NDUFS1: variants seen among roughly 807,000 people sequenced by gnomAD.
NDUFS1 encodes NADH-ubiquinone oxidoreductase 75 kDa subunit, mitochondrial.
In NDUFS1, 61 loss-of-function variants were observed where a neutral mutation model predicts 84.4. The ratio of observed to expected loss-of-function variants is 0.72; its 90% CI spans 0.59 to 0.89. The LOEUF (loss-of-function observed/expected upper bound fraction) is 0.89. Among genes scored for constraint, NDUFS1 ranks in the 40% least tolerant of loss-of-function variants. NDUFS1 has a pLI of 0.00. For missense variants in NDUFS1, 891 were observed against 890.0 expected, an observed-to-expected ratio of 1.00 and a Z score of -0.01; for synonymous variants, 275 against 290.0, an observed-to-expected ratio of 0.95 and a Z score of 0.53.
chr2:206,120,179 C>A lies in NDUFS1; in HGVS notation c.*4006G>T, dbSNP rs1691057797. ...ATGCTTTGTGTACAGCCTGCAGAAA[C>A]TGTAAGCCAATTAAATCTCTCTTTT... On this transcript the variant is annotated 3_prime_UTR_variant, in exon 19 of 19. Coordinates refer to ENST00000233190, the MANE Select transcript of NDUFS1 (RefSeq NM_005006.7). 6.6e-6 allele frequency: 1 copy of A among 152,284 alleles called. No homozygotes were observed. The highest frequency in any genetic ancestry group is 1.5e-5 in the Non-Finnish European group (1 of 68,086). 9.4% of individuals were successfully genotyped at this position (152,284 alleles called of 1,614,324 possible).
At position 206,119,969 on chromosome 2, in the gene NDUFS1, G is replaced by A. The variant is rs1284565538; in HGVS notation, c.*4216C>T. 6.6e-6 allele frequency: 1 copy of A among 152,070 alleles called. No homozygotes were observed. Among genetic ancestry groups the A allele is most frequent in the African/African-American group, 2.4e-5 (1 of 41,414 alleles). The allele number at this position is 152,070 out of a possible 1,614,324, so 9.4% of individuals were successfully genotyped here. A position where few individuals can be genotyped will look rare whatever the true frequency, so the allele number is the denominator to read the frequency against. ...ATCATGGGGCAAATCCTTCATGAATGGCTTGGCACCATCACCTTGGTGATG... is the reference window on the plus strand; with the variant it reads ...ATCATGGGGCAAATCCTTCATGAATAGCTTGGCACCATCACCTTGGTGATG... On this transcript the variant is annotated 3_prime_UTR_variant, in exon 19 of 19. Transcript: ENST00000233190.
rs769456978 is a variant in NDUFS1 at position 206,153,636 on chromosome 2, TAGAAAGGCCTACTA to T, written c.29_42del (p.Leu10Ter). On this transcript the variant is annotated frameshift_variant, in exon 2 of 19. Coordinates refer to ENST00000233190, the MANE Select transcript of NDUFS1 (RefSeq NM_005006.7). LOFTEE classifies it high-confidence loss of function. Reference sequence around the variant, plus strand: ...TACTCACCACATCCTTTAGGAGACTTAGAAAGGCCTACTAAGGCCTTTCTTACAGGTATCCTTAA... The same window carrying T: ...TACTCACCACATCCTTTAGGAGACTTAGGCCTTTCTTACAGGTATCCTTAA... The T allele has an allele frequency of 1.9e-6, 3 of 1,547,058 alleles. No homozygotes were observed. Among genetic ancestry groups the T allele is most frequent in the Non-Finnish European group, 1.8e-6 (2 of 1,120,022 alleles).
intron 12 of NDUFS1, among the ~76,000 whole-genome samples, chr2:206,138,856 C>G (rs902252062): frequency 1.3e-5 from 2 of 152,206 alleles, no homozygotes; most frequent in African/African-American, 4.8e-5. Flanking sequence ...TGGCTCACAC[C>G]TGTAAATCCC....
intron 13 of NDUFS1, 115 bp downstream of exon 13, chr2:206,138,370 C>T (rs1309961437): frequency 1.2e-5 from 15 of 1,244,342 alleles, no homozygotes; most frequent in South Asian, 3.8e-5. Flanking sequence ...CGTGAGCCAC[C>T]GCGCCCAACC....
chr2:206,138,253 T>C (rs1223350514), intron 13 of NDUFS1, among the ~76,000 whole-genome samples: 1 of 152,068 alleles, frequency 6.6e-6, no homozygotes, highest in African/African-American at 2.4e-5. Context: ...AACTTTGGTT[T>C]GTATTTTAGT....
At chr2:206,152,273 G>A (rs949130994) in intron 3 of NDUFS1, 146 bp downstream of exon 3, 2 of 684,232 alleles carry the variant, frequency 2.9e-6, no homozygotes, top group African/African-American at 3.6e-5. Flanking sequence ...GAAGTGCCAA[G>A]ATTTAAAATG....
At chr2:206,142,611 G>A in intron 11 of NDUFS1, 75 bp downstream of exon 11, 1 of 1,564,938 alleles carries the variant, frequency 6.4e-7, no homozygotes, top group South Asian at 1.1e-5. Flanking sequence ...GGAGAATCCA[G>A]GTTGTCACAT....
chr2:206,130,416 G>A (rs1325667025), intron 14 of NDUFS1, among the ~76,000 whole-genome samples, 174 bp from the exon 15 acceptor site: 4 of 151,118 alleles, frequency 2.6e-5, no homozygotes, highest in African/African-American at 4.9e-5. Flanking sequence ...GCGCAGTGGC[G>A]TGATCTCGGC....
intron 1 of NDUFS1, among the ~76,000 whole-genome samples, chr2:206,155,902 A>G (rs1687633113): frequency 1.3e-5 from 2 of 150,426 alleles, no homozygotes; most frequent in Admixed American, 1.3e-4. Flanking sequence ...TTTCCTACTC[A>G]CTTGATCATA....
chr2:206,116,632 T>A lies in NDUFS1; in HGVS notation c.*7553A>T, dbSNP rs544061201. The A allele has an allele frequency of 2.2e-6, 1 of 450,054 alleles. No individual in the cohort carries two copies. The highest frequency in any genetic ancestry group is 2.2e-5 in the South Asian group (1 of 44,724). The allele number at this position is 450,054 out of a possible 1,614,324, so 27.9% of individuals were successfully genotyped here. ...CTGGTGTGTTGGCTCACATGTGTAA[T>A]TCCAGAACTTTGGGAGGTCAAGGTG... On this transcript the variant is annotated 3_prime_UTR_variant, in exon 19 of 19. Coordinates refer to ENST00000233190, the MANE Select transcript of NDUFS1 (RefSeq NM_005006.7).
chr2:206,144,499 C>G (rs1360148531), intron 9 of NDUFS1, among the ~76,000 whole-genome samples: 1 of 152,140 alleles, frequency 6.6e-6, no homozygotes, highest in Non-Finnish European at 1.5e-5. Context: ...AATATTTTAT[C>G]AAAATTATAT....
At chr2:206,158,583 G>A (rs182059299) in intron 1 of NDUFS1, among the ~76,000 whole-genome samples, 67 of 152,282 alleles carry the variant, frequency 4.4e-4, no homozygotes, top group African/African-American at 1.4e-3. Context: ...AAAAGTGCAG[G>A]TGCTCTGGCA....
chr2:206,129,593 CTTT>C (rs746414966), intron 15 of NDUFS1, among the ~76,000 whole-genome samples: 1 of 142,356 alleles, frequency 7.0e-6, no homozygotes, highest in Non-Finnish European at 1.5e-5. Flanking sequence ...TTTGGTTTAA[CTTT>C]TTTTTTTTTT....
At chr2:206,132,747 T>C (rs190214584) in intron 14 of NDUFS1, among the ~76,000 whole-genome samples, 198 bp downstream of exon 14, 1 of 152,342 alleles carries the variant, frequency 6.6e-6, no homozygotes, top group African/African-American at 2.4e-5. Context: ...CAACACTCAC[T>C]GTTATTTCAA....
chr2:206,147,875 A>G (rs1281299178), intron 5 of NDUFS1, 41 bp from the exon 6 acceptor site: 1 of 1,527,526 alleles, frequency 6.5e-7, no homozygotes, highest in East Asian at 2.3e-5. Flanking sequence ...TCTCAAATAC[A>G]CACACACTGA....
rs1691002620 is a variant in NDUFS1, at chr2:206,118,201, T to C, written c.*5984A>G. On this transcript the variant is annotated 3_prime_UTR_variant, in exon 19 of 19. Transcript: ENST00000233190. ...AGAGGGTATTTGGTTTTGAGATCCT[T>C]GTTCTCTTAAAATCTGTGATCTGAA... 1 of 152,250 alleles carries C rather than the reference T, an allele frequency of 6.6e-6. No individual in the cohort carries two copies. Among genetic ancestry groups the C allele is most frequent in the Non-Finnish European group, 1.5e-5 (1 of 68,050 alleles). The allele number at this position is 152,250 out of a possible 1,614,324, so 9.4% of individuals were successfully genotyped here.
At chr2:206,124,517 G>A (rs951636730) in intron 18 of NDUFS1, among the ~76,000 whole-genome samples, 1 of 152,042 alleles carries the variant, frequency 6.6e-6, no homozygotes, top group Non-Finnish European at 1.5e-5. Context: ...CCAGTATGCA[G>A]CCATTAAAAA....
At position 206,132,060 on chromosome 2, in the gene NDUFS1, G is replaced by C. The variant is rs547704330; in HGVS notation, c.1553+885C>G. Among the ~76,000 whole-genome samples the C allele has an allele frequency of 1.2e-3, 186 of 152,174 alleles. 3 individuals carry two copies. In the Middle Eastern group the frequency reaches 0.02, roughly 17 times the overall value. ...GGATCGCTTGAACCTGGGAGGGGGA[G>C]GCTGCAGTAAGCCAAGATCATGCCA... On this transcript the variant is annotated intron_variant, in intron 14 of 18. Transcript: ENST00000233190.
chr2:206,125,562 G>A (rs1469103489), intron 18 of NDUFS1, among the ~76,000 whole-genome samples: 1 of 151,442 alleles, frequency 6.6e-6, no homozygotes, highest in East Asian at 1.9e-4. Flanking sequence ...TGTGTATAAT[G>A]CATATGTATG....
Sources: allele counts gnomAD v4.1 joint callset (sites outside exome capture counted in the v4.1 genomes callset), GRCh38; gene constraint gnomAD v4.1.1; transcripts MANE v1.5; gene names NCBI Gene and HGNC (gene_info 2026-07-23, HGNC 2026-07-21).